Variants in ZNF385D observed in about 807,000 individuals in gnomAD.
ZNF385D encodes the protein zinc finger protein 385D.
In ZNF385D, 15 loss-of-function variants were observed where a neutral mutation model predicts 35.8. That is an observed-to-expected ratio of 0.42 (90% confidence interval 0.28 to 0.64). ZNF385D has a LOEUF of 0.64. Ranked by LOEUF, ZNF385D falls within the 30% of genes least tolerant of loss-of-function variation. The probability of loss-of-function intolerance (pLI) is 0.23; values close to 1 mark genes in which losing one functional copy is unlikely to be tolerated. For missense variants in ZNF385D, 474 were observed against 494.6 expected, an observed-to-expected ratio of 0.96 and a Z score of 0.39; for synonymous variants, 212 against 186.8, an observed-to-expected ratio of 1.13 and a Z score of -1.10.
chr3:21,660,693 C>G (rs968327798), intron 2 of ZNF385D, among the ~76,000 whole-genome samples: 1 of 152,196 alleles, frequency 6.6e-6, no homozygotes, highest in Admixed American at 6.6e-5. Context: ...TGAACAACAA[C>G]CCAAAGTCTG....
chr3:21,764,847 G>C (rs2070759162), intron 3 of ZNF385D, among the ~76,000 whole-genome samples: 2 of 152,078 alleles, frequency 1.3e-5, no homozygotes, highest in Non-Finnish European at 2.9e-5. Flanking sequence ...GCAAGTTGCG[G>C]TATAAGTTTA....
intron 3 of ZNF385D, among the ~76,000 whole-genome samples, chr3:21,997,621 G>A (rs898368146): frequency 6.6e-6 from 1 of 151,446 alleles, no homozygotes; most frequent in Non-Finnish European, 1.5e-5. Context: ...GAGAGAGAGT[G>A]TAAGTGTTTC....
intron 3 of ZNF385D, among the ~76,000 whole-genome samples, chr3:21,803,419 G>C (rs1035961196): frequency 6.6e-6 from 1 of 152,050 alleles, no homozygotes; most frequent in Admixed American, 6.6e-5. Flanking sequence ...TTCTGTATAG[G>C]AGTCATTGAT....
intron 2 of ZNF385D, among the ~76,000 whole-genome samples, chr3:22,286,486 T>C (rs961631856): frequency 1.3e-5 from 2 of 152,144 alleles, no homozygotes; most frequent in Non-Finnish European, 2.9e-5. Context: ...TGAGGTATAA[T>C]GTTAGATTGC....
rs533425320 is a variant in ZNF385D, at chr3:21,983,006, A to G, written c.325+185811T>C. 1.6e-4 allele frequency among the ~76,000 whole-genome samples: 24 copies of G among 151,988 alleles called. 1 individual carries two copies. The highest frequency in any genetic ancestry group is 4.8e-4 in the African/African-American group (20 of 41,468). Reference sequence around the variant, plus strand: ...ATTTGGTTTGCGAGTATTTTGCTGAAGATTTTTACATTGATGTTTATCAAG... The same window carrying G: ...ATTTGGTTTGCGAGTATTTTGCTGAGGATTTTTACATTGATGTTTATCAAG... On this transcript the variant is annotated intron_variant, in intron 3 of 5. Transcript: ENST00000494108.
At chr3:22,221,437 TTA>T (rs1164849368) in intron 2 of ZNF385D, among the ~76,000 whole-genome samples, 2 of 152,094 alleles carry the variant, frequency 1.3e-5, no homozygotes, top group Non-Finnish European at 2.9e-5. Context: ...TTTAATTAAT[TTA>T]TATGATAATC....
At chr3:22,032,117 A>G (rs1698037963) in intron 3 of ZNF385D, among the ~76,000 whole-genome samples, 2 of 152,168 alleles carry the variant, frequency 1.3e-5, no homozygotes, top group African/African-American at 2.4e-5. Flanking sequence ...CATTGTCCCT[A>G]TTACTATAAG....
chr3:21,754,927 T>C (rs7649224), upstream of ZNF385D, among the ~76,000 whole-genome samples: 26 of 152,354 alleles, frequency 1.7e-4, no homozygotes, highest in African/African-American at 6.3e-4. Context: ...TACTTTTCTA[T>C]GTGCCTGAAG....
chr3:22,069,831 C>T (rs908985393), intron 3 of ZNF385D, among the ~76,000 whole-genome samples: 10 of 152,216 alleles, frequency 6.6e-5, no homozygotes, highest in African/African-American at 9.6e-5. Context: ...AAGCCAGCCA[C>T]GTAGGAAAAC....
chr3:21,769,448 C>A (rs2070980662), intron 3 of ZNF385D, among the ~76,000 whole-genome samples: 1 of 127,204 alleles, frequency 7.9e-6, no homozygotes, highest in Non-Finnish European at 1.6e-5. Flanking sequence ...ATAACAGACA[C>A]ACAAGAGAGC....
chr3:22,214,367 G>A (rs907325776), intron 2 of ZNF385D, among the ~76,000 whole-genome samples: 15 of 151,998 alleles, frequency 9.9e-5, no homozygotes, highest in Admixed American at 2.0e-4. Context: ...CAAATTGTTT[G>A]TAGGGCATGT....
intron 3 of ZNF385D, among the ~76,000 whole-genome samples, chr3:21,855,580 C>T (rs9310660): frequency 0.2 from 30,806 of 151,864 alleles, 3,321 homozygotes; most frequent in Admixed American, 0.26. Context: ...TTTTAGTTTT[C>T]CTCACCATAC....
At chr3:21,818,542 G>T (rs1310406963) in intron 3 of ZNF385D, among the ~76,000 whole-genome samples, 1 of 152,110 alleles carries the variant, frequency 6.6e-6, no homozygotes, top group Non-Finnish European at 1.5e-5. Flanking sequence ...ATTTCTCAGA[G>T]AGATATCCCA....
At chr3:22,321,138 C>A (rs1575113751) in intron 2 of ZNF385D, among the ~76,000 whole-genome samples, 1 of 136,524 alleles carries the variant, frequency 7.3e-6, no homozygotes, top group Admixed American at 7.5e-5. Context: ...TTTCACCTTA[C>A]TGCTGATAGT....
chr3:21,657,867 A>C (rs536556801), intron 2 of ZNF385D, among the ~76,000 whole-genome samples: 2 of 152,098 alleles, frequency 1.3e-5, no homozygotes, highest in Admixed American at 6.6e-5. Context: ...TGGCTGAGGG[A>C]AAGAAGGCAT....
At chr3:21,563,565 T>C (rs144844980) in intron 3 of ZNF385D, among the ~76,000 whole-genome samples, 2 of 152,304 alleles carry the variant, frequency 1.3e-5, no homozygotes, top group African/African-American at 4.8e-5. Flanking sequence ...TATACTCAAT[T>C]ATCTTGCATC....
intron 1 of ZNF385D, among the ~76,000 whole-genome samples, chr3:21,723,614 G>A (rs1235618162): frequency 2.6e-5 from 4 of 152,094 alleles, no homozygotes; most frequent in Non-Finnish European, 5.9e-5. Context: ...AGAATAAGAA[G>A]GAATGAACAA....
chr3:21,498,185 A>G (rs1193019721), intron 4 of ZNF385D, among the ~76,000 whole-genome samples: 1 of 152,296 alleles, frequency 6.6e-6, no homozygotes. Context: ...TTGAAATTGG[A>G]TATTTTCCTT....
chr3:22,037,373 G>A (rs1209452604), intron 3 of ZNF385D, among the ~76,000 whole-genome samples: 1 of 151,520 alleles, frequency 6.6e-6, no homozygotes, highest in Non-Finnish European at 1.5e-5. Context: ...TCCAGCACCT[G>A]TTGTTTCCTG....
Sources: allele counts gnomAD v4.1 joint callset (sites outside exome capture counted in the v4.1 genomes callset), GRCh38; gene constraint gnomAD v4.1.1; transcripts MANE v1.5; gene names NCBI Gene and HGNC (gene_info 2026-07-23, HGNC 2026-07-21).